The following NALF1 variants were observed in gnomAD, a reference collection of about 807,000 sequenced individuals.
The protein encoded by NALF1 is family with sequence similarity 155 member A.
NALF1 carries 3 observed loss-of-function variants against 48.4 expected under a neutral mutation model. That is an observed-to-expected ratio of 0.06 (90% CI 0.03 to 0.16). The LOEUF (loss-of-function observed/expected upper bound fraction) is 0.16. NALF1 is among the 10% of genes least tolerant of loss of function. NALF1 has a pLI of 1.00. For synonymous variants in NALF1, 262 were observed against 245.7 expected (o/e 1.07, Z -0.62); for missense variants, 526 against 571.5 (o/e 0.92, Z 0.81).
chr13:107,593,376 G>T (rs1325457316), intron 1 of NALF1, among the ~76,000 whole-genome samples: 1 of 151,532 alleles, frequency 6.6e-6, no homozygotes, highest in African/African-American at 2.4e-5. Flanking sequence ...TTTAACCCTA[G>T]AATTTTATTA....
intron 1 of NALF1, among the ~76,000 whole-genome samples, chr13:107,493,453 T>C (rs760295684): frequency 1.2e-4 from 18 of 152,180 alleles, no homozygotes; most frequent in Non-Finnish European, 2.5e-4. Context: ...TATCACCTTC[T>C]GTCTACAGAA....
intron 1 of NALF1, among the ~76,000 whole-genome samples, chr13:107,834,590 A>C (rs1434439138): frequency 6.6e-6 from 1 of 152,294 alleles, no homozygotes; most frequent in African/African-American, 2.4e-5. Flanking sequence ...CTCATGTCTA[A>C]ATGTTACCCC....
At chr13:107,308,202 T>TC (rs1881976383) in intron 1 of NALF1, among the ~76,000 whole-genome samples, 1 of 138,426 alleles carries the variant, frequency 7.2e-6, no homozygotes. Context: ...GTCTATGCTT[T>TC]TTTTTTTTTT....
chr13:107,616,940 T>A (rs559677679), intron 1 of NALF1, among the ~76,000 whole-genome samples: 88 of 152,292 alleles, frequency 5.8e-4, no homozygotes, highest in African/African-American at 2.0e-3. Flanking sequence ...AAATCTCTTA[T>A]AGAGCAAATT....
intron 1 of NALF1, among the ~76,000 whole-genome samples, chr13:107,300,859 T>A (rs1881822962): frequency 6.6e-6 from 1 of 152,194 alleles, no homozygotes; most frequent in Non-Finnish European, 1.5e-5. Flanking sequence ...AAATGTTAAT[T>A]TATTTCAATA....
At chr13:107,824,478 T>C (rs764496423) in intron 1 of NALF1, among the ~76,000 whole-genome samples, 1 of 152,166 alleles carries the variant, frequency 6.6e-6, no homozygotes, top group Non-Finnish European at 1.5e-5. Flanking sequence ...GTAATGGAAT[T>C]CTTTCTTCAT....
intron 1 of NALF1, among the ~76,000 whole-genome samples, chr13:107,803,145 A>C (rs188476380): frequency 1.2e-3 from 185 of 152,286 alleles, no homozygotes; most frequent in African/African-American, 4.0e-3. Context: ...CGCAGACATG[A>C]AAGAAATGGC....
At chr13:107,178,450 GA>G (rs1471616502) in intron 2 of NALF1, among the ~76,000 whole-genome samples, 1 of 152,168 alleles carries the variant, frequency 6.6e-6, no homozygotes, top group African/African-American at 2.4e-5. Context: ...GGTATATGAA[GA>G]AGTGCTCAAC....
Position 107,757,544 on chromosome 13 carries a change from C to G in NALF1, c.915+108138G>C, listed in dbSNP as rs191350701. 1.5e-3 allele frequency among the ~76,000 whole-genome samples: 231 copies of G among 150,836 alleles called. 1 individual carries two copies. The highest frequency in any genetic ancestry group is 0.01 in the Middle Eastern group (3 of 292). On this transcript the variant is annotated intron_variant, in intron 1 of 2. Transcript: ENST00000375915. ...AAACAGTTTGATAGACAGTAAGGAG[C>G]CATGGTTAATATAAACAGTGGTACA...
At position 107,243,668 on chromosome 13, in the gene NALF1, C is replaced by T. The variant is rs149304411; in HGVS notation, c.916-32913G>A. ...TAGAGAAAGAACTAGAGACATTTAACGCTACCTCCTCTTCTGGTCTCCTTA... is the reference window on the plus strand; with the variant it reads ...TAGAGAAAGAACTAGAGACATTTAATGCTACCTCCTCTTCTGGTCTCCTTA... On this transcript the variant is annotated intron_variant, in intron 1 of 2. Transcript: ENST00000375915. Among the ~76,000 whole-genome samples the T allele has an allele frequency of 2.1e-3, 319 of 152,290 alleles. 3 individuals carry two copies. The highest frequency in any genetic ancestry group is 8.2e-3 in the Admixed American group (126 of 15,296).
At chr13:107,304,940 G>T (rs9514652) in intron 1 of NALF1, among the ~76,000 whole-genome samples, 1 of 151,848 alleles carries the variant, frequency 6.6e-6, no homozygotes, top group Admixed American at 6.5e-5. Context: ...GGTCTTATTG[G>T]AGTCTTTTTC....
chr13:107,263,394 A>G (rs528094890), intron 1 of NALF1, among the ~76,000 whole-genome samples: 10 of 152,106 alleles, frequency 6.6e-5, no homozygotes, highest in Non-Finnish European at 1.0e-4. Context: ...GCAGGTGACC[A>G]CATATTTTTA....
chr13:107,317,287 G>T (rs995920584), intron 1 of NALF1, among the ~76,000 whole-genome samples: 1 of 152,032 alleles, frequency 6.6e-6, no homozygotes, highest in Non-Finnish European at 1.5e-5. Context: ...ATGTGTCTAA[G>T]AATACATTTT....
At chr13:107,529,359 A>G (rs538306543) in intron 1 of NALF1, among the ~76,000 whole-genome samples, 1 of 152,298 alleles carries the variant, frequency 6.6e-6, no homozygotes, top group East Asian at 1.9e-4. Context: ...GATAAAAAAG[A>G]TGAGTAGCAA....
At position 107,294,844 on chromosome 13, in the gene NALF1, C is replaced by T. The variant is rs142095274; in HGVS notation, c.916-84089G>A. ...GGATAAGAGTAAAATACGTACCTCA[C>T]GTGGTTATCGAGAGGATGAAAATGA... On this transcript the variant is annotated intron_variant, in intron 1 of 2. Transcript: ENST00000375915. 1.2e-3 allele frequency among the ~76,000 whole-genome samples: 185 copies of T among 152,214 alleles called. 1 individual carries two copies. Among genetic ancestry groups the T allele is most frequent in the African/African-American group, 4.3e-3 (178 of 41,512 alleles).
At chr13:107,329,976 T>C (rs571218879) in intron 1 of NALF1, among the ~76,000 whole-genome samples, 1 of 152,226 alleles carries the variant, frequency 6.6e-6, no homozygotes, top group African/African-American at 2.4e-5. Flanking sequence ...TTTGGGGAAG[T>C]GAGGTGTGCG....
intron 2 of NALF1, among the ~76,000 whole-genome samples, chr13:107,199,624 T>G (rs1047893863): frequency 6.6e-6 from 1 of 152,200 alleles, no homozygotes; most frequent in African/African-American, 2.4e-5. Context: ...TAAGCTTAGA[T>G]GCCACATCAC....
At chr13:107,685,928 T>A (rs1473718742) in intron 1 of NALF1, among the ~76,000 whole-genome samples, 1 of 152,210 alleles carries the variant, frequency 6.6e-6, no homozygotes, top group Non-Finnish European at 1.5e-5. Context: ...CATACAAGAC[T>A]TACTTTCTAG....
Position 107,678,632 on chromosome 13 carries a change from T to G in NALF1, c.915+187050A>C, listed in dbSNP as rs75696569. ...CTGGGTAATTCATAAAGGAAAGAGA[T>G]TTCATTGACTCACAGTTCAGTGTGG... On this transcript the variant is annotated intron_variant, in intron 1 of 2. Coordinates refer to ENST00000375915, the MANE Select transcript of NALF1 (RefSeq NM_001080396.3). Among the ~76,000 whole-genome samples the G allele has an allele frequency of 0.021, 3,269 of 152,220 alleles. 226 individuals carry two copies. In the East Asian group the frequency reaches 0.25, roughly 11 times the overall value.
Sources: allele counts gnomAD v4.1 joint callset (sites outside exome capture counted in the v4.1 genomes callset), GRCh38; gene constraint gnomAD v4.1.1; transcripts MANE v1.5; gene names NCBI Gene and HGNC (gene_info 2026-07-23, HGNC 2026-07-21).